The following ALDH2 variants were observed in gnomAD, a reference collection of about 807,000 sequenced individuals.
The protein encoded by ALDH2 is aldehyde dehydrogenase 2 family member, also known as aldehyde dehydrogenase, mitochondrial.
In ALDH2, 44 loss-of-function variants were observed where a neutral mutation model predicts 59.6. The ratio of observed to expected loss-of-function variants is 0.74; its 90% CI spans 0.58 to 0.95. The LOEUF (loss-of-function observed/expected upper bound fraction) is 0.95, where lower values mean the gene tolerates loss of function less well. ALDH2 is among the 40% of genes least tolerant of loss of function. The pLI is 0.00. For missense variants in ALDH2, 570 were observed against 696.3 expected, an observed-to-expected ratio of 0.82 and a Z score of 2.04; for synonymous variants, 291 against 284.0, an observed-to-expected ratio of 1.02 and a Z score of -0.25.
At chr12:111,792,029 G>A in intron 7 of ALDH2, 32 bp from the exon 8 acceptor site, 1 of 1,433,428 alleles carries the variant, frequency 7.0e-7, no homozygotes, top group Non-Finnish European at 9.8e-7. Flanking sequence ...TCCCGGCACT[G>A]AGAGCTTGTT....
rs115350402 is a variant in ALDH2, at chr12:111,785,093, T to C, written c.361-174T>C. ...CCCCCTTCCTCCTCCTCCCTGCCTTTGGAGAGACCATGGCAATAGTCCAGA... is the reference window on the plus strand; with the variant it reads ...CCCCCTTCCTCCTCCTCCCTGCCTTCGGAGAGACCATGGCAATAGTCCAGA... On this transcript the variant is annotated intron_variant, in intron 3 of 12. Coordinates refer to ENST00000261733, the MANE Select transcript of ALDH2 (RefSeq NM_000690.4). Among the ~76,000 whole-genome samples, 696 of 152,296 alleles carry C rather than the reference T, an allele frequency of 4.6e-3. 8 individuals are homozygous for C. Among genetic ancestry groups the C allele is most frequent in the African/African-American group, 0.015 (636 of 41,556 alleles).
At chr12:111,781,856 A>G (rs947898895) in intron 1 of ALDH2, 62 bp from the exon 2 acceptor site, 3 of 1,236,308 alleles carry the variant, frequency 2.4e-6, no homozygotes, top group South Asian at 2.5e-5. Context: ...TTTCCTTACA[A>G]TACTGGTAGT....
intron 1 of ALDH2, among the ~76,000 whole-genome samples, chr12:111,779,701 C>A (rs1046480542): frequency 1.3e-5 from 2 of 152,202 alleles, no homozygotes; most frequent in East Asian, 1.9e-4. Flanking sequence ...GGCAGAGAGG[C>A]AGATGTCTTT....
In ALDH2 at chr12:111,816,247, G is replaced by C. The variant is rs1356509404; in HGVS notation, c.*6672G>C. ...GACCAAAGAGTATATTTGGAAGAAGGGGTCAGGGGGCTCCTTGCTTCTAGT... is the reference window on the plus strand; with the variant it reads ...GACCAAAGAGTATATTTGGAAGAAGCGGTCAGGGGGCTCCTTGCTTCTAGT... On this transcript the variant is annotated 3_prime_UTR_variant, in exon 13 of 13. Transcript: ENST00000261733. 1 of 152,152 alleles carries C rather than the reference G, an allele frequency of 6.6e-6. No individual in the cohort carries two copies. The highest frequency in any genetic ancestry group is 1.5e-5 in the Non-Finnish European group (1 of 68,056). The allele number at this position is 152,152 out of a possible 1,614,324, so 9.4% of individuals were successfully genotyped here. A position where few individuals can be genotyped will look rare whatever the true frequency, so the allele number is the denominator to read the frequency against.
chr12:111,797,237 C>T (rs1045831751), intron 9 of ALDH2, among the ~76,000 whole-genome samples: 2 of 152,162 alleles, frequency 1.3e-5, no homozygotes, highest in African/African-American at 4.8e-5. Flanking sequence ...CTGGCCCAAG[C>T]TTTCCTTCTT....
intron 1 of ALDH2, among the ~76,000 whole-genome samples, chr12:111,777,573 T>C (rs60826763): frequency 0.016 from 2,380 of 152,212 alleles, 71 homozygotes; most frequent in African/African-American, 0.054. Context: ...GGATGCCTAC[T>C]CAATGGCTGC....
intron 4 of ALDH2, among the ~76,000 whole-genome samples, chr12:111,789,311 C>A (rs1417112402): frequency 6.6e-6 from 1 of 151,160 alleles, no homozygotes; most frequent in Non-Finnish European, 1.5e-5. Flanking sequence ...GCCACCACAC[C>A]CAGCAAGACC....
chr12:111,798,323 T>G, intron 10 of ALDH2, 81 bp downstream of exon 10: 8 of 1,441,232 alleles, frequency 5.6e-6, no homozygotes, highest in Non-Finnish European at 7.4e-6. Flanking sequence ...CCTGATGCTG[T>G]CACCCATCTG....
At chr12:111,787,896 G>A (rs2068323037) in intron 4 of ALDH2, among the ~76,000 whole-genome samples, 1 of 152,024 alleles carries the variant, frequency 6.6e-6, no homozygotes, top group Non-Finnish European at 1.5e-5. Context: ...AAAATTAGCT[G>A]GGCTTGGTGG....
chr12:111,806,471 T>C (rs1313145453), intron 12 of ALDH2, among the ~76,000 whole-genome samples: 1 of 152,038 alleles, frequency 6.6e-6, no homozygotes, highest in African/African-American at 2.4e-5. Flanking sequence ...CTTTCCAGGA[T>C]TGGAAAAGAG....
At chr12:111,809,447 G>C in intron 12 of ALDH2, 96 bp from the exon 13 acceptor site, 1 of 1,382,488 alleles carries the variant, frequency 7.2e-7, no homozygotes, top group Non-Finnish European at 1.0e-6. Flanking sequence ...AAAAAGAAAA[G>C]CCCTTTCTGC....
At chr12:111,785,185 C>A in intron 3 of ALDH2, 82 bp from the exon 4 acceptor site, 1 of 1,164,888 alleles carries the variant, frequency 8.6e-7, no homozygotes, top group Non-Finnish European at 1.3e-6. Context: ...CTTCTCAGTC[C>A]CAGCCTTGGC....
At chr12:111,775,707 T>C (rs771776201) in intron 1 of ALDH2, 9 of 455,348 alleles carry the variant, frequency 2.0e-5, no homozygotes, top group South Asian at 1.1e-4. Context: ...CCCAAGAGCG[T>C]TTACGTGTGT....
At chr12:111,803,823 C>T (rs376294289) in intron 11 of ALDH2, 36 bp from the exon 12 acceptor site, 267 of 1,522,296 alleles carry the variant, frequency 1.8e-4, no homozygotes, top group Non-Finnish European at 2.3e-4. Context: ...CCATAACCCC[C>T]AAGAGTGATT....
At position 111,800,043 on chromosome 12, in the gene ALDH2, C is replaced by T. The variant is rs753058436; in HGVS notation, c.1386C>T (p.Ala462=). Residue 462 remains alanine (A), a synonymous_variant, in exon 11 of 13, where the codon GCC becomes GCT. Transcript: ENST00000261733. ...DLDKANYLSQ[A]LQAGTVWVNC... ...ACAAGGCCAATTACCTGTCCCAGGCCCTCCAGGCGGGCACTGTGTGGTAAG... is the reference window on the plus strand; with the variant it reads ...ACAAGGCCAATTACCTGTCCCAGGCTCTCCAGGCGGGCACTGTGTGGTAAG... 13 of 1,612,994 alleles carry T rather than the reference C, an allele frequency of 8.1e-6. No individual in the cohort carries two copies. The highest frequency in any genetic ancestry group is 1.7e-5 in the Admixed American group (1 of 59,964).
chr12:111,773,237 G>A (rs2068214533), intron 1 of ALDH2, among the ~76,000 whole-genome samples: 1 of 150,476 alleles, frequency 6.6e-6, no homozygotes, highest in South Asian at 2.2e-4. Flanking sequence ...AAAGTGCTGG[G>A]ATTACAGGCA....
At chr12:111,779,240 C>T (rs2068254231) in intron 1 of ALDH2, among the ~76,000 whole-genome samples, 1 of 152,016 alleles carries the variant, frequency 6.6e-6, no homozygotes, top group South Asian at 2.1e-4. Context: ...ATGCTGGAGG[C>T]AGTGGTGTGA....
At chr12:111,768,362 G>A (rs888975185) in intron 1 of ALDH2, among the ~76,000 whole-genome samples, 2 of 152,188 alleles carry the variant, frequency 1.3e-5, no homozygotes, top group African/African-American at 4.8e-5. Flanking sequence ...CTGCAAATCT[G>A]GATATAGGTG....
At chr12:111,796,852 C>A (rs907047547) in intron 9 of ALDH2, among the ~76,000 whole-genome samples, 1 of 152,104 alleles carries the variant, frequency 6.6e-6, no homozygotes, top group African/African-American at 2.4e-5. Flanking sequence ...TTGCAGTGAG[C>A]CGTGATTGTG....
Sources: allele counts gnomAD v4.1 joint callset (sites outside exome capture counted in the v4.1 genomes callset), GRCh38; gene constraint gnomAD v4.1.1; transcripts MANE v1.5; gene names NCBI Gene and HGNC (gene_info 2026-07-23, HGNC 2026-07-21).